Variants in PRKAG2 observed in about 807,000 individuals in gnomAD.
PRKAG2 encodes the protein 5'-AMP-activated protein kinase subunit gamma-2.
In PRKAG2, 26 loss-of-function variants were observed where a neutral mutation model predicts 69.6. The ratio of observed to expected loss-of-function variants is 0.37; its 90% CI spans 0.27 to 0.52. The LOEUF (loss-of-function observed/expected upper bound fraction) is 0.52. Ranked by LOEUF, PRKAG2 falls within the 20% of genes least tolerant of loss-of-function variation. The pLI, the probability that PRKAG2 is intolerant of heterozygous loss-of-function variation, is 0.90. For synonymous variants in PRKAG2, 293 were observed against 285.0 expected, an observed-to-expected ratio of 1.03 and a Z score of -0.28; for missense variants, 557 against 740.0, an observed-to-expected ratio of 0.75 and a Z score of 2.87.
At chr7:151,794,446 T>A (rs34659848) in intron 1 of PRKAG2, among the ~76,000 whole-genome samples, 15,665 of 152,238 alleles carry the variant, frequency 0.1, 876 homozygotes, top group African/African-American at 0.15. Context: ...CACGGGCTGG[T>A]GGGAAACGAG....
intron 1 of PRKAG2, among the ~76,000 whole-genome samples, chr7:151,845,934 C>T (rs1232676629): frequency 3.9e-5 from 6 of 152,160 alleles, no homozygotes; most frequent in Non-Finnish European, 5.9e-5. Flanking sequence ...TGTATGGTCC[C>T]GGAACACAGA....
At chr7:151,581,884 C>T (rs1273965806) in intron 6 of PRKAG2, among the ~76,000 whole-genome samples, 1 of 152,218 alleles carries the variant, frequency 6.6e-6, no homozygotes, top group African/African-American at 2.4e-5. Context: ...CGTTCAGCCC[C>T]CAAAATGCTG....
intron 1 of PRKAG2, among the ~76,000 whole-genome samples, chr7:151,824,080 C>T (rs1039492676): frequency 1.3e-5 from 2 of 152,256 alleles, no homozygotes; most frequent in South Asian, 2.1e-4. Flanking sequence ...ACTGTGAAGT[C>T]GGAAATCTGA....
At chr7:151,846,797 C>T (rs1213901819) in intron 1 of PRKAG2, among the ~76,000 whole-genome samples, 4 of 152,184 alleles carry the variant, frequency 2.6e-5, no homozygotes, top group Admixed American at 2.6e-4. Context: ...CCATGTCCTA[C>T]AGTATTCTTC....
At chr7:151,652,970 T>G (rs1828791451) in intron 4 of PRKAG2, among the ~76,000 whole-genome samples, 2 of 152,190 alleles carry the variant, frequency 1.3e-5, no homozygotes, top group Non-Finnish European at 2.9e-5. Flanking sequence ...ACCAACTGAT[T>G]TGATAACTAC....
intron 3 of PRKAG2, chr7:151,734,227 A>G (rs1033973529): frequency 2.6e-5 from 4 of 152,262 alleles, no homozygotes; most frequent in Non-Finnish European, 5.9e-5. Flanking sequence ...AGCAAGAAAT[A>G]CAGGCAGATT....
intron 5 of PRKAG2, among the ~76,000 whole-genome samples, chr7:151,623,975 T>C (rs868029221): frequency 2.5e-4 from 38 of 152,206 alleles, no homozygotes; most frequent in South Asian, 6.2e-4. Flanking sequence ...TGGAAAATGA[T>C]TCATAAAATA....
At chr7:151,697,369 T>A (rs1012875293) in intron 3 of PRKAG2, among the ~76,000 whole-genome samples, 2 of 151,938 alleles carry the variant, frequency 1.3e-5, no homozygotes, top group Non-Finnish European at 2.9e-5. Flanking sequence ...GGTACCATCA[T>A]TCCCCAGGGG....
chr7:151,714,304 G>A (rs892708117), intron 3 of PRKAG2, among the ~76,000 whole-genome samples: 1 of 152,168 alleles, frequency 6.6e-6, no homozygotes, highest in African/African-American at 2.4e-5. Flanking sequence ...GGGGGAGGCG[G>A]CAGGGCTTCC....
At chr7:151,733,079 G>C (rs554244102) in intron 3 of PRKAG2, among the ~76,000 whole-genome samples, 3 of 152,310 alleles carry the variant, frequency 2.0e-5, no homozygotes, top group Admixed American at 2.0e-4. Context: ...GGGAGGGAGG[G>C]CTTGGTCAAC....
intron 3 of PRKAG2, among the ~76,000 whole-genome samples, chr7:151,753,748 A>C (rs2074871056): frequency 6.6e-6 from 1 of 152,140 alleles, no homozygotes; most frequent in Admixed American, 6.5e-5. Context: ...GGAATTAAGA[A>C]ATACAGGCTG....
At chr7:151,871,748 C>T (rs182892128) in intron 1 of PRKAG2, among the ~76,000 whole-genome samples, 6 of 152,294 alleles carry the variant, frequency 3.9e-5, no homozygotes, top group Non-Finnish European at 8.8e-5. Context: ...TGACAGGAAG[C>T]GGGCAGTGGG....
intron 3 of PRKAG2, among the ~76,000 whole-genome samples, chr7:151,718,093 A>G (rs910179361): frequency 3.3e-5 from 5 of 152,190 alleles, no homozygotes; most frequent in African/African-American, 9.6e-5. Context: ...CAGAGCAGAC[A>G]CTATCTTAGT....
intron 1 of PRKAG2, among the ~76,000 whole-genome samples, chr7:151,855,161 TCCACACAC>T (rs1435122906): frequency 4.5e-5 from 2 of 44,432 alleles, no homozygotes; most frequent in Non-Finnish European, 4.1e-5. Context: ...CACACCATCC[TCCACACAC>T]ACCACCCTCC....
chr7:151,792,699 A>G (rs1357124344), intron 1 of PRKAG2, among the ~76,000 whole-genome samples: 1 of 152,248 alleles, frequency 6.6e-6, no homozygotes, highest in East Asian at 1.9e-4. Flanking sequence ...CCCCCACCTC[A>G]GGGCAAACTC....
intron 3 of PRKAG2, among the ~76,000 whole-genome samples, chr7:151,708,192 T>G (rs1192301705): frequency 2.0e-5 from 3 of 152,232 alleles, no homozygotes; most frequent in Non-Finnish European, 4.4e-5. Context: ...CTTCTTACCC[T>G]AAACTCTCCA....
intron 1 of PRKAG2, among the ~76,000 whole-genome samples, chr7:151,824,245 G>A (rs1031622610): frequency 6.6e-6 from 1 of 152,138 alleles, no homozygotes; most frequent in Admixed American, 6.5e-5. Context: ...TGGAAGCTTC[G>A]TAATTGGTTC....
intron 1 of PRKAG2, among the ~76,000 whole-genome samples, chr7:151,854,772 C>T (rs990440891): frequency 1.3e-5 from 2 of 152,138 alleles, no homozygotes; most frequent in African/African-American, 2.4e-5. Flanking sequence ...TCTCACACAA[C>T]GGCCTCAAGA....
chr7:151,698,123 A>G (rs1198853987), intron 3 of PRKAG2, among the ~76,000 whole-genome samples: 2 of 151,996 alleles, frequency 1.3e-5, no homozygotes, highest in African/African-American at 4.8e-5. Context: ...ACCCACCTCA[A>G]CCCTGCCTGA....
Sources: allele counts gnomAD v4.1 joint callset (sites outside exome capture counted in the v4.1 genomes callset), GRCh38; gene constraint gnomAD v4.1.1; transcripts MANE v1.5; gene names NCBI Gene and HGNC (gene_info 2026-07-23, HGNC 2026-07-21).